The following RPS16 variants were observed in gnomAD, a reference collection of about 807,000 sequenced individuals.
RPS16 encodes small ribosomal subunit protein uS9.
Under a neutral mutation model 20.1 loss-of-function variants are expected in RPS16, and 2 were observed. The observed-to-expected ratio is 0.10, with a 90% CI of 0.04 to 0.31. RPS16 has a LOEUF of 0.31. Among genes scored for constraint, RPS16 ranks in the 10% least tolerant of loss-of-function variants. RPS16 has a pLI of 1.00. For missense variants in RPS16, 129 were observed against 198.6 expected (o/e 0.65, Z 2.11); for synonymous variants, 95 against 76.1 (o/e 1.25, Z -1.29).
In RPS16 at chr19:39,433,249, AGTGAGTT is replaced by A. The variant is rs1568408130; in HGVS notation, c.*17_*23del. ...TCCCTCAAAAACTGTTTATTATACAAGTGAGTTTTGAGTCACGATGGGCTTATCGGTA... is the reference window on the plus strand; with the variant it reads ...TCCCTCAAAAACTGTTTATTATACAATTGAGTCACGATGGGCTTATCGGTA... On this transcript the variant is annotated 3_prime_UTR_variant, in exon 5 of 5. Coordinates refer to ENST00000251453, the MANE Select transcript of RPS16 (RefSeq NM_001020.6). 1 of 1,611,398 alleles carries A rather than the reference AGTGAGTT, an allele frequency of 6.2e-7. No individual in the cohort carries two copies. Among genetic ancestry groups the A allele is most frequent in the Non-Finnish European group, 8.5e-7 (1 of 1,179,352 alleles).
chr19:39,435,624 G>A lies in RPS16; in HGVS notation c.133C>T (p.Arg45Cys), dbSNP rs745820621. Residue 45 changes from arginine (R) to cysteine (C), a missense_variant, in exon 2 of 5, where the codon CGC (arginine) becomes TGC (cysteine). Physicochemically the swap from Arg to Cys is radical, Grantham distance 180. Around this residue, in one of 2 missense-constraint regions of RPS16, gnomAD observed 117 missense variants for 151.4 expected, o/e 0.77. Coordinates refer to ENST00000251453, the MANE Select transcript of RPS16 (RefSeq NM_001020.6). Reference sequence around the variant, plus strand: ...CCCAGCACCTTGTACTGTAGCGTGCGCGGCTCAATCATCTCCAGGGGCCGC... The same window carrying A: ...CCCAGCACCTTGTACTGTAGCGTGCACGGCTCAATCATCTCCAGGGGCCGC... The part of the protein sequence containing the change: ...NGRPLEMIEP[R>C]TLQYKLLEPV... The A allele has an allele frequency of 1.7e-5, 28 of 1,613,586 alleles. No homozygotes were observed. The highest frequency in any genetic ancestry group is 5.0e-5 in the Admixed American group (3 of 59,994).
chr19:39,435,785 C>T (rs1387807989), intron 1 of RPS16, 63 bp downstream of exon 1: 3 of 1,607,198 alleles, frequency 1.9e-6, no homozygotes, highest in Non-Finnish European at 2.6e-6. Flanking sequence ...TTCCTGCCCA[C>T]CGACCTCTCC....
chr19:39,435,580 C>T (rs1600679377), intron 2 of RPS16, 27 bp downstream of exon 2: 1 of 1,597,214 alleles, frequency 6.3e-7, no homozygotes, highest in East Asian at 2.2e-5. Flanking sequence ...CCTCCATCCA[C>T]TCAACGCCGG....
intron 2 of RPS16, chr19:39,434,112 G>A (rs1359516896): frequency 9.6e-6 from 3 of 312,294 alleles, no homozygotes; most frequent in Non-Finnish European, 1.9e-5. Context: ...AAACTCCCAA[G>A]GCTGTTTCAA....
rs2078839315 is a variant in RPS16, at chr19:39,433,197, CCA to C, written c.*74_*75del. 4.8e-6 allele frequency: 7 copies of C among 1,449,948 alleles called. No individual in the cohort carries two copies. The highest frequency in any genetic ancestry group is 6.7e-6 in the Non-Finnish European group (7 of 1,041,404). The allele number at this position is 1,449,948 out of a possible 1,614,324, so 89.8% of individuals were successfully genotyped here. On this transcript the variant is annotated 3_prime_UTR_variant, in exon 5 of 5. Transcript: ENST00000251453. Reference sequence around the variant, plus strand: ...AAACATCCAATACCAACACATAAGGCCACACACAGTTCTTGAAACTTTAAAAT... The same window carrying C: ...AAACATCCAATACCAACACATAAGGCCACACAGTTCTTGAAACTTTAAAAT...
At chr19:39,435,737 C>T (rs368094996) in intron 1 of RPS16, 29 bp from the exon 2 acceptor site, 6 of 1,610,242 alleles carry the variant, frequency 3.7e-6, no homozygotes, top group Non-Finnish European at 4.2e-6. Context: ...ACAGGGGCCC[C>T]GTGAGCTCCG....
At position 39,433,271 on chromosome 19, in the gene RPS16, G is replaced by T. The variant is rs574014854; in HGVS notation, c.*2C>A. 2 of 1,612,530 alleles carry T rather than the reference G, an allele frequency of 1.2e-6. No individual in the cohort carries two copies. Among genetic ancestry groups the T allele is most frequent in the Admixed American group, 1.7e-5 (1 of 60,012 alleles). On this transcript the variant is annotated 3_prime_UTR_variant, in exon 5 of 5. Transcript: ENST00000251453. ...ACAAGTGAGTTTTGAGTCACGATGG[G>T]CTTATCGGTAGGATTTCTGGTAGCG... is the stretch of plus-strand genomic sequence containing the variant.
intron 2 of RPS16, 121 bp downstream of exon 2, chr19:39,435,486 C>T: frequency 1.3e-6 from 1 of 746,874 alleles, no homozygotes; most frequent in Non-Finnish European, 2.2e-6. Context: ...CACTGTTCTA[C>T]ACCCAACACA....
In RPS16 at chr19:39,435,899, T is replaced by C. The variant is rs369057020; in HGVS notation, c.-4A>G. The stretch of plus-strand genomic sequence containing the variant: ...GCAGCGGGCCCTTGGACGGCATGGC[T>C]CCGAGCGTGGACTAGACAACCTCAC... On this transcript the variant is annotated 5_prime_UTR_variant, in exon 1 of 5. Transcript: ENST00000251453. 1.9e-6 allele frequency: 3 copies of C among 1,604,952 alleles called. No individual in the cohort carries two copies. The highest frequency in any genetic ancestry group is 2.5e-6 in the Non-Finnish European group (3 of 1,179,946).
At chr19:39,434,128 C>T (rs1237826623) in intron 2 of RPS16, 5 of 301,480 alleles carry the variant, frequency 1.7e-5, no homozygotes, top group African/African-American at 4.3e-5. Flanking sequence ...TTCAAGTAGT[C>T]GAAAGCCATC....
chr19:39,435,917 A>T lies in RPS16; in HGVS notation c.-22T>A, dbSNP rs1600680023. On this transcript the variant is annotated 5_prime_UTR_variant, in exon 1 of 5. Coordinates refer to ENST00000251453, the MANE Select transcript of RPS16 (RefSeq NM_001020.6). ...GCATGGCTCCGAGCGTGGACTAGACAACCTCACCGCGCGGCGCCGCAACCG... is the reference window on the plus strand; with the variant it reads ...GCATGGCTCCGAGCGTGGACTAGACTACCTCACCGCGCGGCGCCGCAACCG... 3.1e-6 allele frequency: 5 copies of T among 1,603,256 alleles called. No individual in the cohort carries two copies. Among genetic ancestry groups the T allele is most frequent in the East Asian group, 4.5e-5 (2 of 44,876 alleles).
At chr19:39,433,837 C>A in intron 2 of RPS16, 76 bp from the exon 3 acceptor site, 1 of 1,412,860 alleles carries the variant, frequency 7.1e-7, no homozygotes, top group Non-Finnish European at 9.8e-7. Context: ...CTTCTTGTTT[C>A]TGTGGCTTCT....
rs150874598 is a variant in RPS16, at chr19:39,433,746, G to C, written c.166C>G (p.Leu56Val). 6.2e-7 allele frequency: 1 copy of C among 1,614,124 alleles called. No individual in the cohort carries two copies. The highest frequency in any genetic ancestry group is 1.1e-5 in the South Asian group (1 of 91,072). ...TLQYKLLEPV[L>V]LLGKERFAGV... ...GCAAATCGCTCCTTGCCGAGAAGCA[G>C]AACTGGCTCCAGCAGCTAAAGGAAT... The change falls in exon 3 of 5, where the codon CTG becomes GTG. Residue 56 changes from leucine to valine, a missense_variant. This residue lies in a region of RPS16 where 117 missense variants were observed against 151.4 expected (regional missense o/e 0.77). Coordinates refer to ENST00000251453, the MANE Select transcript of RPS16 (RefSeq NM_001020.6).
rs537881066 is a variant in RPS16, at chr19:39,434,117, T to C, written c.151-356A>G. On this transcript the variant is annotated intron_variant, in intron 2 of 4. Coordinates refer to ENST00000251453, the MANE Select transcript of RPS16 (RefSeq NM_001020.6). ...ATAGCTTCTGAAACTCCCAAGGCTG[T>C]TTCAAGTAGTCGAAAGCCATCCCTG... 273 of 307,334 alleles carry C rather than the reference T, an allele frequency of 8.9e-4. 1 individual carries two copies. Among genetic ancestry groups the C allele is most frequent in the African/African-American group, 5.6e-3 (259 of 46,658 alleles). 19.0% of individuals were successfully genotyped at this position (307,334 alleles called of 1,614,324 possible).
At position 39,435,640 on chromosome 19, in the gene RPS16, C is replaced by T. The variant is rs2078857544; in HGVS notation, c.117G>A (p.Leu39=). 1.9e-6 allele frequency: 3 copies of T among 1,613,874 alleles called. No homozygotes were observed. Among genetic ancestry groups the T allele is most frequent in the African/African-American group, 2.7e-5 (2 of 74,932 alleles). ...GTAGCGTGCGCGGCTCAATCATCTC[C>T]AGGGGCCGCCCGTTCACCTTGATGA... ...NGLIKVNGRP[L]EMIEPRTLQY... The change falls in exon 2 of 5, where the codon CTG becomes CTA. Residue 39 remains leucine, a synonymous_variant. Transcript: ENST00000251453.
At position 39,433,200 on chromosome 19, in the gene RPS16, C is replaced by A; in HGVS notation, c.*73G>T. 6.7e-7 allele frequency: 1 copy of A among 1,487,938 alleles called. No individual in the cohort carries two copies. Among genetic ancestry groups the A allele is most frequent in the South Asian group, 1.2e-5 (1 of 85,518 alleles). The allele number at this position is 1,487,938 out of a possible 1,614,324, so 92.2% of individuals were successfully genotyped here. Reference sequence around the variant, plus strand: ...CATCCAATACCAACACATAAGGCCACACACAGTTCTTGAAACTTTAAAATC... The same window carrying A: ...CATCCAATACCAACACATAAGGCCAAACACAGTTCTTGAAACTTTAAAATC... On this transcript the variant is annotated 3_prime_UTR_variant, in exon 5 of 5. Transcript: ENST00000251453.
In RPS16 at chr19:39,433,437, AC is replaced by A. The variant is rs2078841147; in HGVS notation, c.296-20del. The A allele has an allele frequency of 2.5e-6, 4 of 1,613,864 alleles. No individual in the cohort carries two copies. The African/African-American group carries it at 4.0e-5, about 16-fold the overall frequency. On this transcript the variant is annotated intron_variant, in intron 4 of 4. Transcript: ENST00000251453. ...TCCACATCTGGCAAGAAGAGCAGGG[AC>A]GAGGATTTAGATAATCACACAGAGT...
At chr19:39,435,792 C>G (rs372876118) in intron 1 of RPS16, 56 bp downstream of exon 1, 38 of 1,608,530 alleles carry the variant, frequency 2.4e-5, no homozygotes, top group Non-Finnish European at 3.1e-5. Context: ...CCACCGACCT[C>G]TCCCAGACCC....
chr19:39,433,296 G>A lies in RPS16; in HGVS notation c.418C>T (p.Arg140Cys), dbSNP rs1339937560. ...KKFGGPGARARYQKSYR is the reference protein window; with the variant it reads ...KKFGGPGARACYQKSYR The stretch of plus-strand genomic sequence containing the variant: ...GCTTATCGGTAGGATTTCTGGTAGC[G>A]AGCGCGGGCACCAGGGCCTCCAAAC... The change falls in exon 5 of 5, where the codon CGC (arginine) becomes TGC (cysteine). Residue 140 changes from arginine to cysteine, a missense_variant. Arg to Cys is a radical substitution (Grantham distance 180). Coordinates refer to ENST00000251453, the MANE Select transcript of RPS16 (RefSeq NM_001020.6). 1.9e-6 allele frequency: 3 copies of A among 1,612,922 alleles called. No homozygotes were observed. The highest frequency in any genetic ancestry group is 1.3e-5 in the African/African-American group (1 of 74,870).
Sources: gnomAD v4.1 joint callset for allele counts on GRCh38, gnomAD v4.1.1 for gene constraint, gnomAD v4.1.1 regional missense constraint, MANE v1.5 for transcripts, NCBI Gene and HGNC (gene_info 2026-07-23, HGNC 2026-07-21) for gene names.